The following CAST variants were observed in gnomAD, a reference collection of about 807,000 sequenced individuals.
CAST encodes MIR583 host.
CAST carries 76 observed loss-of-function variants against 119.6 expected under a neutral mutation model. The ratio of observed to expected loss-of-function variants is 0.64; its 90% CI spans 0.53 to 0.77. The LOEUF (loss-of-function observed/expected upper bound fraction) is 0.77. Among genes scored for constraint, CAST ranks in the 30% least tolerant of loss-of-function variants. The pLI, the probability that CAST is intolerant of heterozygous loss-of-function variation, is 0.00. For missense variants in CAST, 953 were observed against 946.5 expected, an observed-to-expected ratio of 1.01 and a Z score of -0.09; for synonymous variants, 319 against 331.6, an observed-to-expected ratio of 0.96 and a Z score of 0.41.
At chr5:96,431,881 G>A in the CAST span, among the ~76,000 whole-genome samples, 5 of 152,088 alleles carry the variant, frequency 3.3e-5, no homozygotes, top group South Asian at 4.2e-4. Flanking sequence ...AGCAGGGGGC[G>A]AGGGCTTGAT....
chr5:96,505,781 G>T, the CAST span, among the ~76,000 whole-genome samples: 1 of 152,192 alleles, frequency 6.6e-6, no homozygotes, highest in African/African-American at 2.4e-5. Flanking sequence ...CAGTCCTACT[G>T]CCGCCAGCTG....
intron 3 of CAST, among the ~76,000 whole-genome samples, chr5:96,713,881 C>T (rs186887422): frequency 1.3e-5 from 2 of 151,982 alleles, no homozygotes; most frequent in East Asian, 1.9e-4. Context: ...AGGCTGAGAC[C>T]GGAGAATTGC....
chr5:95,979,079 C>A, the CAST span, among the ~76,000 whole-genome samples: 68 of 152,262 alleles, frequency 4.5e-4, 1 homozygote, highest in African/African-American at 1.5e-3. Flanking sequence ...TAATGAGTAT[C>A]AGATGCATTA....
the CAST span, chr5:96,397,510 T>A: frequency 2.0e-6 from 3 of 1,534,630 alleles, no homozygotes; most frequent in South Asian, 3.4e-5. Context: ...CTAATAGCTC[T>A]GATAGTAGGA....
the CAST span, among the ~76,000 whole-genome samples, chr5:96,202,248 AT>A: frequency 1.3e-5 from 2 of 151,944 alleles, no homozygotes; most frequent in African/African-American, 4.8e-5. Context: ...AACCTAATAC[AT>A]TTTTTTCCAG....
chr5:96,059,057 T>C, the CAST span, among the ~76,000 whole-genome samples: 1 of 152,146 alleles, frequency 6.6e-6, no homozygotes. Flanking sequence ...CTCCTGAGCT[T>C]ACAGAAGTAG....
chr5:96,128,814 A>G, the CAST span, among the ~76,000 whole-genome samples: 3 of 152,050 alleles, frequency 2.0e-5, no homozygotes, highest in African/African-American at 7.2e-5. Flanking sequence ...TCCCCCAAAA[A>G]TGGGTGGGAT....
the CAST span, among the ~76,000 whole-genome samples, chr5:96,189,285 T>G: frequency 6.6e-6 from 1 of 152,210 alleles, no homozygotes; most frequent in Non-Finnish European, 1.5e-5. Flanking sequence ...GGGGGAGGGC[T>G]AGGTGGATAA....
chr5:96,633,813 G>T (rs1020127032), intron 1 of CAST, among the ~76,000 whole-genome samples: 2 of 152,180 alleles, frequency 1.3e-5, no homozygotes, highest in African/African-American at 4.8e-5. Context: ...TAATTCTAGC[G>T]AAAGGTTCAG....
chr5:96,015,326 C>T, the CAST span, among the ~76,000 whole-genome samples: 1 of 152,014 alleles, frequency 6.6e-6, no homozygotes, highest in South Asian at 2.1e-4. Flanking sequence ...TTCAGGGCAC[C>T]AAAGAATTTC....
At chr5:96,663,988 C>T (rs1193620218) in intron 1 of CAST, among the ~76,000 whole-genome samples, 1 of 150,482 alleles carries the variant, frequency 6.6e-6, no homozygotes, top group Non-Finnish European at 1.5e-5. Context: ...ACAGTGAGAG[C>T]CAAAATGTTT....
At chr5:96,079,812 A>G in the CAST span, among the ~76,000 whole-genome samples, 1 of 152,250 alleles carries the variant, frequency 6.6e-6, no homozygotes, top group East Asian at 1.9e-4. Context: ...AAATTTTTCT[A>G]TATCAGCACA....
intron 1 of CAST, among the ~76,000 whole-genome samples, chr5:96,552,866 G>A (rs754894234): frequency 3.3e-5 from 5 of 152,184 alleles, no homozygotes; most frequent in Non-Finnish European, 5.9e-5. Flanking sequence ...CGAGGAAGAA[G>A]TTGAACCTCT....
the CAST span, among the ~76,000 whole-genome samples, chr5:96,457,589 T>A: frequency 3.3e-5 from 5 of 152,224 alleles, no homozygotes; most frequent in Non-Finnish European, 7.3e-5. Flanking sequence ...CCTACCTCAG[T>A]GCCTTCGCCC....
chr5:96,623,757 A>G (rs1747664466), intron 1 of CAST, among the ~76,000 whole-genome samples: 1 of 152,144 alleles, frequency 6.6e-6, no homozygotes, highest in Non-Finnish European at 1.5e-5. Flanking sequence ...TCCCAGTGGC[A>G]CAATCACAAG....
upstream of CAST, among the ~76,000 whole-genome samples, chr5:96,529,365 T>C (rs1290519121): frequency 1.7e-4 from 21 of 121,260 alleles, no homozygotes; most frequent in Non-Finnish European, 3.6e-4. Flanking sequence ...AGCATTATAA[T>C]CATTGGGTTT....
At chr5:96,319,967 T>TA in the CAST span, among the ~76,000 whole-genome samples, 4 of 147,308 alleles carry the variant, frequency 2.7e-5, no homozygotes, top group African/African-American at 9.9e-5. Flanking sequence ...CTACTAGGCA[T>TA]AGCAAAGATC....
the CAST span, chr5:96,429,218 C>G: frequency 6.7e-7 from 1 of 1,486,248 alleles, no homozygotes. Flanking sequence ...CTTACACGAT[C>G]ATCATCAGAT....
chr5:96,553,070 A>G (rs534780540), intron 1 of CAST, among the ~76,000 whole-genome samples: 1 of 152,354 alleles, frequency 6.6e-6, no homozygotes, highest in East Asian at 1.9e-4. Context: ...TGAGGCCAGC[A>G]TCATCCTAAT....
Sources: gnomAD v4.1 joint callset for allele counts (sites outside exome capture counted in the v4.1 genomes callset) on GRCh38, gnomAD v4.1.1 for gene constraint, MANE v1.5 for transcripts, NCBI Gene and HGNC (gene_info 2026-07-23, HGNC 2026-07-21) for gene names.